EYA3: variants seen among roughly 807,000 people sequenced by gnomAD.
EYA3 encodes the protein protein phosphatase EYA3.
In EYA3, 39 loss-of-function variants were observed where a neutral mutation model predicts 80.0. The observed-to-expected ratio is 0.49, with a 90% CI of 0.38 to 0.64. The LOEUF (loss-of-function observed/expected upper bound fraction) is 0.64. EYA3 is among the 30% of genes least tolerant of loss of function. The pLI, the probability that EYA3 is intolerant of heterozygous loss-of-function variation, is 0.00. For synonymous variants in EYA3, 206 were observed against 232.8 expected (o/e 0.88, Z 1.05); for missense variants, 523 against 676.1 (o/e 0.77, Z 2.51).
At chr1:28,025,419 T>C (rs1642716989) in intron 7 of EYA3, among the ~76,000 whole-genome samples, 1 of 152,196 alleles carries the variant, frequency 6.6e-6, no homozygotes, top group Non-Finnish European at 1.5e-5. Flanking sequence ...AATATTGTAC[T>C]CATGCTCTGG....
chr1:28,079,456 A>C (rs1181860507), intron 1 of EYA3, among the ~76,000 whole-genome samples: 1 of 152,192 alleles, frequency 6.6e-6, no homozygotes, highest in Non-Finnish European at 1.5e-5. Flanking sequence ...GAGCAGAATA[A>C]AGCAGCTTTG....
chr1:28,007,325 CTTT>C (rs1641356458), intron 10 of EYA3, among the ~76,000 whole-genome samples: 2 of 149,116 alleles, frequency 1.3e-5, no homozygotes, highest in African/African-American at 4.9e-5. Flanking sequence ...AGCTGTATTT[CTTT>C]CTTTCTTTCT....
chr1:28,080,258 AAT>A (rs1557654986), intron 1 of EYA3, among the ~76,000 whole-genome samples: 1 of 151,250 alleles, frequency 6.6e-6, no homozygotes, highest in Non-Finnish European at 1.5e-5. Context: ...CAGCCTGGGC[AAT>A]ACAGTGAAAC....
intron 8 of EYA3, 137 bp downstream of exon 8, chr1:28,017,017 T>C (rs2148803888): frequency 1.5e-6 from 1 of 651,322 alleles, no homozygotes; most frequent in East Asian, 2.8e-5. Context: ...GTCCGAGTTC[T>C]GAAGGTATCC....
chr1:28,068,778 T>C (rs1245652379), intron 1 of EYA3, among the ~76,000 whole-genome samples: 2 of 152,168 alleles, frequency 1.3e-5, no homozygotes, highest in African/African-American at 4.8e-5. Context: ...GACTTTGATT[T>C]ACTGGGTTTT....
chr1:28,004,216 A>T, intron 11 of EYA3, 120 bp downstream of exon 11: 1 of 611,290 alleles, frequency 1.6e-6, no homozygotes, highest in Non-Finnish European at 2.8e-6. Flanking sequence ...TTGAAGTTTT[A>T]CATGGAAAGT....
chr1:27,996,201 G>A (rs957487752), intron 13 of EYA3, among the ~76,000 whole-genome samples: 1 of 152,092 alleles, frequency 6.6e-6, no homozygotes, highest in African/African-American at 2.4e-5. Flanking sequence ...ACTAAACTCT[G>A]GAGTAATTTG....
At position 27,988,604 on chromosome 1, in the gene EYA3, C is replaced by A. The variant is rs1350775696; in HGVS notation, c.1471G>T (p.Ala491Ser). Reference sequence around the variant, plus strand: ...CCTAGTCCATATAGGAGAACCTTGGCCAGGGCTGGAACCAGCTGGGTGGTA... The same window carrying A: ...CCTAGTCCATATAGGAGAACCTTGGACAGGGCTGGAACCAGCTGGGTGGTA... ...ITTTQLVPALAKVLLYGLGEI... is the reference protein window; with the variant it reads ...ITTTQLVPALSKVLLYGLGEI... The change falls in exon 16 of 18, where the codon GCC (alanine) becomes TCC (serine). Residue 491 changes from alanine (A) to serine (S), a missense_variant. This residue lies in a region of EYA3 where 219 missense variants were observed against 332.8 expected (regional missense o/e 0.66). Coordinates refer to ENST00000373871, the MANE Select transcript of EYA3 (RefSeq NM_001990.4). The A allele has an allele frequency of 2.5e-6, 4 of 1,613,902 alleles. No individual in the cohort carries two copies. Among genetic ancestry groups the A allele is most frequent in the Non-Finnish European group, 3.4e-6 (4 of 1,179,996 alleles).
chr1:28,028,301 G>A (rs1488700614), intron 6 of EYA3, among the ~76,000 whole-genome samples: 1 of 152,212 alleles, frequency 6.6e-6, no homozygotes, highest in African/African-American at 2.4e-5. Flanking sequence ...AAACTGTCAA[G>A]GTAGGAGACA....
rs1254125811 is a variant in EYA3 at position 27,973,407 on chromosome 1, G to C, written c.*1059C>G. On this transcript the variant is annotated 3_prime_UTR_variant, in exon 18 of 18. Transcript: ENST00000373871. ...ATGACCAAGAAGGAAGAAGCTGCAG[G>C]GACGAGCATCTGATGGGAAATGGGT... 1.3e-5 allele frequency: 2 copies of C among 152,236 alleles called. No individual in the cohort carries two copies. Among genetic ancestry groups the C allele is most frequent in the Admixed American group, 1.3e-4 (2 of 15,258 alleles). 9.4% of individuals were successfully genotyped at this position (152,236 alleles called of 1,614,324 possible). A position where few individuals can be genotyped will look rare whatever the true frequency, so the allele number is the denominator to read the frequency against.
At chr1:27,995,666 G>A (rs1291413104) in intron 13 of EYA3, among the ~76,000 whole-genome samples, 1 of 151,752 alleles carries the variant, frequency 6.6e-6, no homozygotes, top group African/African-American at 2.4e-5. Flanking sequence ...AGGGAGGCCA[G>A]GGACAGGGGT....
At chr1:28,083,789 A>G (rs2148961074) in intron 1 of EYA3, among the ~76,000 whole-genome samples, 1 of 152,374 alleles carries the variant, frequency 6.6e-6, no homozygotes, top group South Asian at 2.1e-4. Context: ...CGTTTAATTC[A>G]GAAATGTACA....
At chr1:28,043,369 GC>G (rs1643888188) in intron 3 of EYA3, among the ~76,000 whole-genome samples, 1 of 146,690 alleles carries the variant, frequency 6.8e-6, no homozygotes, top group Non-Finnish European at 1.5e-5. Context: ...TAAGTTCTAT[GC>G]TTTTAGCAAT....
intron 16 of EYA3, among the ~76,000 whole-genome samples, chr1:27,988,260 G>A (rs1012093989): frequency 3.3e-5 from 5 of 152,216 alleles, no homozygotes; most frequent in African/African-American, 9.6e-5. Flanking sequence ...AGAGAAACTT[G>A]AAATGAGGCA....
At chr1:28,025,433 C>G (rs1457722205) in intron 7 of EYA3, among the ~76,000 whole-genome samples, 1 of 152,152 alleles carries the variant, frequency 6.6e-6, no homozygotes, top group African/African-American at 2.4e-5. Context: ...GCTCTGGAGT[C>G]AGAATGCCCA....
At chr1:28,038,745 A>C (rs993885593) in intron 5 of EYA3, 94 bp downstream of exon 5, 1 of 652,060 alleles carries the variant, frequency 1.5e-6, no homozygotes, top group Non-Finnish European at 2.5e-6. Context: ...AAAATAATTT[A>C]AATATCTATT....
intron 2 of EYA3, among the ~76,000 whole-genome samples, chr1:28,050,841 G>A (rs559975815): frequency 4.6e-5 from 7 of 152,178 alleles, no homozygotes; most frequent in Admixed American, 3.9e-4. Flanking sequence ...AATTATAGAA[G>A]TATCAGTTCA....
chr1:27,988,457 G>A, intron 16 of EYA3, 78 bp downstream of exon 16: 1 of 1,511,396 alleles, frequency 6.6e-7, no homozygotes, highest in Admixed American at 2.0e-5. Context: ...AACAAGAGGG[G>A]CTAGAAAATA....
At chr1:27,982,445 C>T (rs1271932001) in intron 16 of EYA3, among the ~76,000 whole-genome samples, 1 of 150,854 alleles carries the variant, frequency 6.6e-6, no homozygotes, top group African/African-American at 2.4e-5. Context: ...TCCACCTGAC[C>T]CTTATAGTTG....
Sources: gnomAD v4.1 joint callset for allele counts (sites outside exome capture counted in the v4.1 genomes callset) on GRCh38, gnomAD v4.1.1 for gene constraint, gnomAD v4.1.1 regional missense constraint, MANE v1.5 for transcripts, NCBI Gene and HGNC (gene_info 2026-07-23, HGNC 2026-07-21) for gene names.